The following BCL11A variants were observed in gnomAD, a reference collection of about 807,000 sequenced individuals.
The protein encoded by BCL11A is B cell CLL/lymphoma 11A.
BCL11A carries 2 observed loss-of-function variants against 55.9 expected under a neutral mutation model. The observed-to-expected ratio is 0.04, with a 90% CI of 0.01 to 0.11. The LOEUF is 0.11. BCL11A is among the 10% of genes least tolerant of loss of function. The pLI, the probability that BCL11A is intolerant of heterozygous loss-of-function variation, is 1.00. For synonymous variants in BCL11A, 465 were observed against 473.4 expected (o/e 0.98, Z 0.23); for missense variants, 817 against 1,137.1 (o/e 0.72, Z 4.05).
chr2:60,498,363 G>A (rs1019251806), intron 2 of BCL11A, among the ~76,000 whole-genome samples: 6 of 151,970 alleles, frequency 3.9e-5, no homozygotes, highest in South Asian at 2.1e-4. Flanking sequence ...ACTCCCTACC[G>A]CGACCCCTAT....
At chr2:60,498,547 G>C (rs1679088159) in intron 2 of BCL11A, among the ~76,000 whole-genome samples, 1 of 152,150 alleles carries the variant, frequency 6.6e-6, no homozygotes, top group Non-Finnish European at 1.5e-5. Context: ...TCCTAGAATT[G>C]GCCTGGGACA....
At chr2:60,455,671 C>T (rs1675907212), downstream of BCL11A, among the ~76,000 whole-genome samples, 1 of 152,142 alleles carries the variant, frequency 6.6e-6, no homozygotes, top group South Asian at 2.1e-4. Context: ...GATGCAAAAC[C>T]TAATTACGCT....
intron 3 of BCL11A, among the ~76,000 whole-genome samples, chr2:60,464,020 C>T (rs1676462808): frequency 2.0e-5 from 3 of 152,114 alleles, no homozygotes; most frequent in African/African-American, 7.2e-5. Flanking sequence ...GAAAAGCCGG[C>T]AGGGTCTTCT....
rs530357608 is a variant in BCL11A at position 60,523,960 on chromosome 2, C to T, written c.385+22011G>A. Among the ~76,000 whole-genome samples, 8 of 152,304 alleles carry T rather than the reference C, an allele frequency of 5.3e-5. 1 individual carries two copies. In the East Asian group the frequency reaches 1.5e-3, roughly 29 times the overall value. The stretch of plus-strand genomic sequence containing the variant: ...TGGACTATCCCATCTTAAACTTCAG[C>T]CAGAGATCTAAAACTTTGAAGTCAA... On this transcript the variant is annotated intron_variant, in intron 2 of 3. Transcript: ENST00000642384.
intron 2 of BCL11A, chr2:60,536,291 A>T (rs555864072): frequency 6.6e-6 from 1 of 152,260 alleles, no homozygotes; most frequent in Non-Finnish European, 1.5e-5. Flanking sequence ...GGAAATGTGG[A>T]TGTTATCAAG....
intron 2 of BCL11A, among the ~76,000 whole-genome samples, chr2:60,531,693 G>GA (rs1188006401): frequency 1.3e-5 from 2 of 152,106 alleles, no homozygotes; most frequent in Non-Finnish European, 2.9e-5. Context: ...TGGCATTGGG[G>GA]GGCCCTGTGC....
chr2:60,543,860 T>C (rs1670034758), intron 2 of BCL11A: 1 of 152,226 alleles, frequency 6.6e-6, no homozygotes, highest in African/African-American at 2.4e-5. Context: ...GATTGATTAT[T>C]AGCGCTATAA....
At chr2:60,492,558 C>A (rs1000409247) in intron 2 of BCL11A, among the ~76,000 whole-genome samples, 4 of 152,046 alleles carry the variant, frequency 2.6e-5, no homozygotes, top group Non-Finnish European at 4.4e-5. Flanking sequence ...AGTACTCATG[C>A]GCTTCTCAGA....
chr2:60,553,720 G>C (rs1226310696), upstream of BCL11A: 1 of 167,010 alleles, frequency 6.0e-6, no homozygotes, highest in African/African-American at 2.5e-5. Flanking sequence ...CACACCAATG[G>C]ACACACATCA....
In BCL11A at chr2:60,462,375, G is replaced by A; in HGVS notation, c.537C>T (p.Phe179=). The A allele has an allele frequency of 6.2e-7, 1 of 1,613,014 alleles. No individual in the cohort carries two copies. Among genetic ancestry groups the A allele is most frequent in the Non-Finnish European group, 8.5e-7 (1 of 1,179,520 alleles). ...SYTCTTCKQP[F]TSAWFLLQHA... is the part of the protein sequence containing the mutation. ...GTTGCAAGAGAAACCATGCACTGGT[G>A]AATGGCTGTTTGCAAGTTGTACATG... The change falls in exon 4 of 4, where the codon TTC becomes TTT. Residue 179 remains phenylalanine (F), a synonymous_variant. Transcript: ENST00000642384.
At chr2:60,521,511 C>G (rs1180624034) in intron 2 of BCL11A, among the ~76,000 whole-genome samples, 1 of 152,224 alleles carries the variant, frequency 6.6e-6, no homozygotes, top group East Asian at 1.9e-4. Flanking sequence ...TCAAGTCACA[C>G]AGCGACAGTC....
chr2:60,520,124 A>G (rs1237798594), intron 2 of BCL11A, among the ~76,000 whole-genome samples: 1 of 152,228 alleles, frequency 6.6e-6, no homozygotes, highest in Non-Finnish European at 1.5e-5. Flanking sequence ...TCAGAAAGCC[A>G]AAGATAATAG....
chr2:60,460,531 T>C lies in BCL11A; in HGVS notation c.2381A>G (p.Gln794Arg), dbSNP rs1261715244. Residue 794 changes from glutamine to arginine, a missense_variant, in exon 4 of 4, where the codon CAG becomes CGG. By Grantham distance (43) the Gln-to-Arg change is conservative. This residue lies in a region of BCL11A where 30 missense variants were observed against 116.3 expected (regional missense o/e 0.26). Coordinates refer to ENST00000642384, the MANE Select transcript of BCL11A (RefSeq NM_022893.4). ...KLTRHMKTHG[Q>R]VGKDVYKCEI... The stretch of plus-strand genomic sequence containing the variant: ...ACATTTGTAAACGTCCTTCCCCACC[T>C]GGCCATGCGTTTTCATGTGCCTGGT... 24 of 1,614,042 alleles carry C rather than the reference T, an allele frequency of 1.5e-5. No homozygotes were observed. Among genetic ancestry groups the C allele is most frequent in the Non-Finnish European group, 2.0e-5 (24 of 1,180,036 alleles).
intron 2 of BCL11A, among the ~76,000 whole-genome samples, chr2:60,496,152 G>C (rs997633657): frequency 1.3e-5 from 2 of 152,232 alleles, no homozygotes; most frequent in African/African-American, 4.8e-5. Flanking sequence ...ACAGGGAATT[G>C]TTCATGAAAT....
chr2:60,458,923 C>G lies in BCL11A; in HGVS notation c.*1481G>C. The G allele has an allele frequency of 9.7e-7, 1 of 1,033,884 alleles. No homozygotes were observed. Among genetic ancestry groups the G allele is most frequent in the South Asian group, 4.6e-5 (1 of 21,694 alleles). The allele number at this position is 1,033,884 out of a possible 1,614,324, so 64.0% of individuals were successfully genotyped here. On this transcript the variant is annotated 3_prime_UTR_variant, in exon 4 of 4. Coordinates refer to ENST00000642384, the MANE Select transcript of BCL11A (RefSeq NM_022893.4). ...CTTCCATGTTAACACAAATAGCACA[C>G]AGTGTATGGAAAAGAAATGAAGTAC... is the stretch of plus-strand genomic sequence containing the variant.
intron 2 of BCL11A, among the ~76,000 whole-genome samples, chr2:60,529,992 CAA>C (rs1669375449): frequency 6.6e-6 from 1 of 152,078 alleles, no homozygotes; most frequent in Admixed American, 6.5e-5. Flanking sequence ...GGCAGGAGGG[CAA>C]AGACTGCACA....
In BCL11A at chr2:60,458,732, C is replaced by T. The variant is rs1036225046; in HGVS notation, c.*1672G>A. The T allele has an allele frequency of 9.7e-7, 1 of 1,032,908 alleles. No homozygotes were observed. The highest frequency in any genetic ancestry group is 5.7e-5 in the Admixed American group (1 of 17,562). The allele number at this position is 1,032,908 out of a possible 1,614,324, so 64.0% of individuals were successfully genotyped here. On this transcript the variant is annotated 3_prime_UTR_variant, in exon 4 of 4. Transcript: ENST00000642384. The stretch of plus-strand genomic sequence containing the variant: ...AAAATTGTACAGTGCACTTAATTGT[C>T]CTATCTGAGCAGGTTTATTTTATAC...
intron 2 of BCL11A, among the ~76,000 whole-genome samples, chr2:60,491,063 C>T (rs1310087791): frequency 2.0e-5 from 3 of 152,118 alleles, no homozygotes; most frequent in Non-Finnish European, 2.9e-5. Flanking sequence ...TATGTGCCAA[C>T]CAGACTGTGC....
chr2:60,461,021 G>A lies in BCL11A; in HGVS notation c.1891C>T (p.Pro631Ser), dbSNP rs761626433. 3 of 1,607,762 alleles carry A rather than the reference G, an allele frequency of 1.9e-6. No homozygotes were observed. Among genetic ancestry groups the A allele is most frequent in the Non-Finnish European group, 2.5e-6 (3 of 1,176,510 alleles). ...LLLGSPSSLS[P>S]FSKRIKLEKE... Reference sequence around the variant, plus strand: ...TCGAGCTTGATGCGCTTAGAGAAGGGGCTCAGCGAGCTGGGGCTGCCCAGC... The same window carrying A: ...TCGAGCTTGATGCGCTTAGAGAAGGAGCTCAGCGAGCTGGGGCTGCCCAGC... The change falls in exon 4 of 4, where the codon CCC (proline) becomes TCC (serine). Residue 631 changes from proline (P) to serine (S), a missense_variant. Physicochemically the swap from Pro to Ser is moderately conservative, Grantham distance 74. This residue lies in a region of BCL11A where 379 missense variants were observed against 425.3 expected (regional missense o/e 0.89). Coordinates refer to ENST00000642384, the MANE Select transcript of BCL11A (RefSeq NM_022893.4).
Sources: gnomAD v4.1 joint callset for allele counts (sites outside exome capture counted in the v4.1 genomes callset) on GRCh38, gnomAD v4.1.1 for gene constraint, gnomAD v4.1.1 regional missense constraint, MANE v1.5 for transcripts, NCBI Gene and HGNC (gene_info 2026-07-23, HGNC 2026-07-21) for gene names.